Variants in ZBTB16 observed in about 807,000 individuals in gnomAD.
The protein encoded by ZBTB16 is zinc finger and BTB domain containing 16, also known as zinc finger and BTB domain-containing protein 16.
A neutral mutation model predicts 56.8 loss-of-function variants in ZBTB16; 8 were observed. That is an observed-to-expected ratio of 0.14 (90% CI 0.08 to 0.25). ZBTB16 has a LOEUF of 0.25. Among genes scored for constraint, ZBTB16 ranks in the 10% least tolerant of loss-of-function variants. The probability of loss-of-function intolerance (pLI) is 1.00; values close to 1 mark genes in which losing one functional copy is unlikely to be tolerated. For missense variants in ZBTB16, 625 were observed against 903.0 expected, an observed-to-expected ratio of 0.69 and a Z score of 3.95; for synonymous variants, 363 against 368.5, an observed-to-expected ratio of 0.98 and a Z score of 0.17.
chr11:114,177,195 G>A (rs949398171), intron 3 of ZBTB16, among the ~76,000 whole-genome samples: 18 of 152,206 alleles, frequency 1.2e-4, no homozygotes, highest in Non-Finnish European at 1.8e-4. Flanking sequence ...AGGATGAATA[G>A]CTACATTTTC....
At chr11:114,153,485 A>C (rs947377203) in intron 2 of ZBTB16, among the ~76,000 whole-genome samples, 1 of 152,250 alleles carries the variant, frequency 6.6e-6, no homozygotes, top group Non-Finnish European at 1.5e-5. Flanking sequence ...CTCTGAAGGC[A>C]GCGAAATGCA....
In ZBTB16 at chr11:114,205,591, A is replaced by G. The variant is rs182657287; in HGVS notation, c.1453+18553A>G. ...ATGGGACGCACGTTCCCCTCAACCA[A>G]ACAAATATAAAATGCTTCCAGCCTC... On this transcript the variant is annotated intron_variant, in intron 4 of 6. Transcript: ENST00000335953. Among the ~76,000 whole-genome samples the G allele has an allele frequency of 2.0e-5, 3 of 152,276 alleles. No individual in the cohort carries two copies. The East Asian group carries it at 5.8e-4, about 29-fold the overall frequency.
chr11:114,060,650 A>T lies in ZBTB16; in HGVS notation c.-91+768A>T, dbSNP rs1188267664. 2 of 151,890 alleles carry T rather than the reference A, an allele frequency of 1.3e-5. No homozygotes were observed. Among genetic ancestry groups the T allele is most frequent in the Non-Finnish European group, 2.9e-5 (2 of 68,046 alleles). The allele number at this position is 151,890 out of a possible 1,614,324, so 9.4% of individuals were successfully genotyped here. On this transcript the variant is annotated intron_variant, in intron 1 of 6. Transcript: ENST00000335953. The surrounding 1 kb of genome is among the most constrained non-coding windows in gnomAD (Gnocchi z 6.0). Reference sequence around the variant, plus strand: ...TTCCCACCCTGGCGCGCCCGCCGCTAGCTCGCACAGCGCCTCGCACACTCC... The same window carrying T: ...TTCCCACCCTGGCGCGCCCGCCGCTTGCTCGCACAGCGCCTCGCACACTCC...
intron 4 of ZBTB16, among the ~76,000 whole-genome samples, chr11:114,201,686 T>C (rs985093213): frequency 5.3e-5 from 8 of 152,140 alleles, no homozygotes; most frequent in Admixed American, 4.6e-4. Context: ...ATTAGAGAAA[T>C]CAGGTTATAT....
rs890667988 is a variant in ZBTB16 at position 114,251,191 on chromosome 11, C to T, written c.*636C>T. 2.0e-5 allele frequency among the ~76,000 whole-genome samples: 3 copies of T among 152,186 alleles called. No individual in the cohort carries two copies. Among genetic ancestry groups the T allele is most frequent in the Non-Finnish European group, 4.4e-5 (3 of 68,028 alleles). ...GAGAGCCTCAGGACCCCTGCCCCTC[C>T]TCCAGCTCTTTGTTCCCAGCCTCCC... On this transcript the variant is annotated 3_prime_UTR_variant, in exon 7 of 7. Coordinates refer to ENST00000335953, the MANE Select transcript of ZBTB16 (RefSeq NM_006006.6).
At position 114,207,590 on chromosome 11, in the gene ZBTB16, A is replaced by AACACACACACACAC. The variant is rs66489516; in HGVS notation, c.1453+20576_1453+20589dup. 7.0e-3 allele frequency among the ~76,000 whole-genome samples: 1,013 copies of AACACACACACACAC among 143,688 alleles called. 20 individuals carry two copies. The highest frequency in any genetic ancestry group is 0.025 in the African/African-American group (964 of 38,600). 94.3% of individuals were successfully genotyped at this position (143,688 alleles called of 152,430 possible). On this transcript the variant is annotated intron_variant, in intron 4 of 6. Coordinates refer to ENST00000335953, the MANE Select transcript of ZBTB16 (RefSeq NM_006006.6). ...TCTTGTTTGCCTGATACACACACAC[A>AACACACACACACAC]ACACACACACACACACACACACACA...
intron 2 of ZBTB16, among the ~76,000 whole-genome samples, chr11:114,109,916 T>A (rs78024561): frequency 0.095 from 14,480 of 152,138 alleles, 738 homozygotes; most frequent in Middle Eastern, 0.21. Flanking sequence ...AACTGAAGTA[T>A]GTTAGAAGAG....
intron 3 of ZBTB16, among the ~76,000 whole-genome samples, chr11:114,186,045 A>C (rs976181670): frequency 1.3e-5 from 2 of 152,172 alleles, no homozygotes; most frequent in African/African-American, 4.8e-5. Context: ...AGAGAAAGAC[A>C]GGGCCATAGG....
chr11:114,210,196 T>TGCGC (rs1555155995), intron 4 of ZBTB16, among the ~76,000 whole-genome samples: 2 of 151,156 alleles, frequency 1.3e-5, no homozygotes, highest in African/African-American at 2.4e-5. Flanking sequence ...TGTGTGTGCG[T>TGCGC]GCGCGCGCGT....
intron 3 of ZBTB16, among the ~76,000 whole-genome samples, chr11:114,172,624 C>T (rs1265043154): frequency 3.3e-5 from 5 of 152,176 alleles, no homozygotes; most frequent in African/African-American, 4.8e-5. Context: ...CCACAGCTCA[C>T]GTGGTACAGA....
chr11:114,065,214 C>G (rs988264641), intron 2 of ZBTB16, among the ~76,000 whole-genome samples: 44 of 152,226 alleles, frequency 2.9e-4, no homozygotes, highest in African/African-American at 1.0e-3. Flanking sequence ...CTTGGTCTTG[C>G]AGCCTGTGAA....
chr11:114,085,182 A>G (rs1453699379), intron 2 of ZBTB16, among the ~76,000 whole-genome samples: 1 of 152,218 alleles, frequency 6.6e-6, no homozygotes, highest in Non-Finnish European at 1.5e-5. Flanking sequence ...AGCCCAGTGC[A>G]TGGACAAACG....
chr11:114,151,210 G>A (rs1726397460), intron 2 of ZBTB16, among the ~76,000 whole-genome samples: 2 of 152,132 alleles, frequency 1.3e-5, no homozygotes. Context: ...AGGTCAAATT[G>A]ATGGTCATAG....
chr11:114,112,795 A>G (rs1475710677), intron 2 of ZBTB16, among the ~76,000 whole-genome samples: 1 of 137,690 alleles, frequency 7.3e-6, no homozygotes, highest in Admixed American at 7.9e-5. Context: ...AGGGTCTCGC[A>G]CTATCACCCA....
chr11:114,217,964 C>T (rs17116686), intron 4 of ZBTB16, among the ~76,000 whole-genome samples: 16,531 of 152,200 alleles, frequency 0.11, 1,032 homozygotes, highest in East Asian at 0.24. Flanking sequence ...GGGTGAGGAG[C>T]GCTCTCCTGG....
intron 4 of ZBTB16, among the ~76,000 whole-genome samples, chr11:114,190,340 A>G (rs969882151): frequency 4.6e-5 from 7 of 152,210 alleles, no homozygotes; most frequent in African/African-American, 1.7e-4. Context: ...CTGAAAATGC[A>G]TTTAATCCAA....
chr11:114,063,330 G>A lies in ZBTB16; in HGVS notation c.30G>A (p.Gln10=), dbSNP rs1236773062. 1.9e-6 allele frequency: 3 copies of A among 1,614,002 alleles called. No individual in the cohort carries two copies. Among genetic ancestry groups the A allele is most frequent in the East Asian group, 2.2e-5 (1 of 44,866 alleles). Residue 10 remains glutamine, a synonymous_variant, in exon 2 of 7, where the codon CAG becomes CAA. Coordinates refer to ENST00000335953, the MANE Select transcript of ZBTB16 (RefSeq NM_006006.6). This position sits in a 1 kb window ranked among gnomAD's most constrained non-coding sequence, Gnocchi z 6.5. MDLTKMGMI[Q]LQNPSHPTGL... is the part of the protein sequence containing the mutation. ...ATCTGACAAAAATGGGCATGATCCA[G>A]CTGCAGAACCCTAGCCACCCCACGG...
At chr11:114,203,822 G>A (rs966946148) in intron 4 of ZBTB16, among the ~76,000 whole-genome samples, 1 of 152,182 alleles carries the variant, frequency 6.6e-6, no homozygotes, top group East Asian at 1.9e-4. Flanking sequence ...CAGGGAGTAG[G>A]GGTGGCTCTG....
chr11:114,214,985 C>CTT (rs34263122), intron 4 of ZBTB16, among the ~76,000 whole-genome samples: 1 of 143,910 alleles, frequency 6.9e-6, no homozygotes. Context: ...AGGAGCTTAT[C>CTT]TTTTTTTTTT....
Sources: gnomAD v4.1 joint callset for allele counts (sites outside exome capture counted in the v4.1 genomes callset) on GRCh38, gnomAD v4.1.1 for gene constraint, Gnocchi (gnomAD v3.1) non-coding constraint, MANE v1.5 for transcripts, NCBI Gene and HGNC (gene_info 2026-07-23, HGNC 2026-07-21) for gene names.